HECW2: variants seen among roughly 807,000 people sequenced by gnomAD.
HECW2 encodes E3 ubiquitin-protein ligase HECW2.
HECW2 carries 61 observed loss-of-function variants against 175.2 expected under a neutral mutation model. That is an observed-to-expected ratio of 0.35 (90% CI 0.28 to 0.43). The LOEUF (loss-of-function observed/expected upper bound fraction) is 0.43, where lower values mean the gene tolerates loss of function less well. Among genes scored for constraint, HECW2 ranks in the 20% least tolerant of loss-of-function variants. HECW2 has a pLI of 1.00. For synonymous variants in HECW2, 671 were observed against 731.0 expected, an observed-to-expected ratio of 0.92 and a Z score of 1.32; for missense variants, 1,524 against 2,000.5, an observed-to-expected ratio of 0.76 and a Z score of 4.54.
At chr2:196,546,037 G>A (rs1166203664) in intron 1 of HECW2, among the ~76,000 whole-genome samples, 4 of 152,066 alleles carry the variant, frequency 2.6e-5, no homozygotes, top group Non-Finnish European at 5.9e-5. Flanking sequence ...TTTAATAAAG[G>A]TGAGTTCTTT....
chr2:196,314,853 G>A (rs1366152331), intron 10 of HECW2, among the ~76,000 whole-genome samples: 1 of 152,192 alleles, frequency 6.6e-6, no homozygotes, highest in Non-Finnish European at 1.5e-5. Flanking sequence ...GCTGAGCCCA[G>A]AAGCCACAAG....
intron 28 of HECW2, among the ~76,000 whole-genome samples, chr2:196,202,002 A>C (rs1686874461): frequency 6.6e-6 from 1 of 152,212 alleles, no homozygotes; most frequent in African/African-American, 2.4e-5. Context: ...AAGCAATTTA[A>C]ATCATTACAT....
At chr2:196,422,679 G>T (rs1695438554) in intron 2 of HECW2, among the ~76,000 whole-genome samples, 1 of 152,096 alleles carries the variant, frequency 6.6e-6, no homozygotes, top group South Asian at 2.1e-4. Context: ...TAGGTGAAAA[G>T]AATTTAGAGT....
chr2:196,433,446 G>A lies in HECW2; in HGVS notation c.-23C>T. The A allele has an allele frequency of 6.2e-7, 1 of 1,604,782 alleles. No homozygotes were observed. Among genetic ancestry groups the A allele is most frequent in the Non-Finnish European group, 8.5e-7 (1 of 1,175,094 alleles). ...CATCCCGTCTGCTTCTCTGGGATTGGCTGCCTACAAAGCTGCAAGAGACAG... is the reference window on the plus strand; with the variant it reads ...CATCCCGTCTGCTTCTCTGGGATTGACTGCCTACAAAGCTGCAAGAGACAG... On this transcript the variant is annotated 5_prime_UTR_variant, in exon 2 of 29. Transcript: ENST00000644978.
chr2:196,368,102 C>T (rs35040912), intron 2 of HECW2, among the ~76,000 whole-genome samples: 11,242 of 152,064 alleles, frequency 0.074, 633 homozygotes, highest in African/African-American at 0.16. Context: ...GATATCTCTT[C>T]GATATGCTGA....
intron 2 of HECW2, among the ~76,000 whole-genome samples, chr2:196,353,980 A>G (rs894847469): frequency 6.6e-6 from 1 of 152,140 alleles, no homozygotes; most frequent in Non-Finnish European, 1.5e-5. Context: ...AATTGTCAGT[A>G]TGACCTCATT....
intron 1 of HECW2, among the ~76,000 whole-genome samples, chr2:196,574,065 T>TTCTATA (rs1487620034): frequency 2.6e-5 from 4 of 152,060 alleles, no homozygotes; most frequent in African/African-American, 4.8e-5. Flanking sequence ...TCACTGGTGT[T>TTCTATA]TCTATACACA....
At chr2:196,479,360 T>C (rs1236683999) in intron 1 of HECW2, among the ~76,000 whole-genome samples, 1 of 152,218 alleles carries the variant, frequency 6.6e-6, no homozygotes, top group Non-Finnish European at 1.5e-5. Flanking sequence ...ACTGCCAAGG[T>C]CCTGAGGCTT....
At chr2:196,470,328 A>G (rs554892081) in intron 1 of HECW2, among the ~76,000 whole-genome samples, 4 of 152,272 alleles carry the variant, frequency 2.6e-5, no homozygotes, top group Non-Finnish European at 4.4e-5. Flanking sequence ...GAGTTTCCCA[A>G]TAAAATATAT....
chr2:196,427,789 G>C (rs985152111), intron 2 of HECW2, among the ~76,000 whole-genome samples: 27 of 152,042 alleles, frequency 1.8e-4, no homozygotes, highest in Admixed American at 1.7e-3. Flanking sequence ...GAAATCTCAG[G>C]GTGTATATGA....
chr2:196,199,254 C>T lies in HECW2; in HGVS notation c.*2023G>A, dbSNP rs190079843. 127 of 152,572 alleles carry T rather than the reference C, an allele frequency of 8.3e-4. 2 individuals are homozygous for T. Among genetic ancestry groups the T allele is most frequent in the African/African-American group, 2.8e-3 (116 of 41,524 alleles). 9.5% of individuals were successfully genotyped at this position (152,572 alleles called of 1,614,324 possible). A position where few individuals can be genotyped will look rare whatever the true frequency, so the allele number is the denominator to read the frequency against. ...AGAATACAAACAAGTGAAAAGTTTG[C>T]AAAATTAAATATATACTTGTATTCA... On this transcript the variant is annotated 3_prime_UTR_variant, in exon 29 of 29. Transcript: ENST00000644978.
In HECW2 at chr2:196,447,447, G is replaced by T. The variant is rs140669748; in HGVS notation, c.-35-13989C>A. On this transcript the variant is annotated intron_variant, in intron 1 of 28. Transcript: ENST00000644978. ...ATGTTAGATGTTCCAACAATAAACTGATGGCAAAGAGAAATTACATGAACT... is the reference window on the plus strand; with the variant it reads ...ATGTTAGATGTTCCAACAATAAACTTATGGCAAAGAGAAATTACATGAACT... 2.5e-3 allele frequency among the ~76,000 whole-genome samples: 384 copies of T among 152,206 alleles called. 1 individual carries two copies. The highest frequency in any genetic ancestry group is 8.7e-3 in the African/African-American group (363 of 41,530).
chr2:196,236,533 C>T (rs1347886253), intron 21 of HECW2, among the ~76,000 whole-genome samples: 1 of 152,166 alleles, frequency 6.6e-6, no homozygotes, highest in Non-Finnish European at 1.5e-5. Context: ...TCCCTAGTTT[C>T]TACCTAATGT....
rs896432483 is a variant in HECW2 at position 196,195,921 on chromosome 2, C to G, written c.*5356G>C. On this transcript the variant is annotated 3_prime_UTR_variant, in exon 29 of 29. Coordinates refer to ENST00000644978, the MANE Select transcript of HECW2 (RefSeq NM_001348768.2). ...GTTATAAAATGAGGGTATTTCCCATCTAGTAGATCAAACTGTGCCTTCATC... is the reference window on the plus strand; with the variant it reads ...GTTATAAAATGAGGGTATTTCCCATGTAGTAGATCAAACTGTGCCTTCATC... 1 of 152,152 alleles carries G rather than the reference C, an allele frequency of 6.6e-6. No individual in the cohort carries two copies. The highest frequency in any genetic ancestry group is 1.5e-5 in the Non-Finnish European group (1 of 68,016). The allele number at this position is 152,152 out of a possible 1,614,324, so 9.4% of individuals were successfully genotyped here. A position where few individuals can be genotyped will look rare whatever the true frequency, so the allele number is the denominator to read the frequency against.
intron 2 of HECW2, among the ~76,000 whole-genome samples, chr2:196,418,508 T>C (rs1288263080): frequency 2.6e-5 from 4 of 152,192 alleles, no homozygotes; most frequent in African/African-American, 9.6e-5. Flanking sequence ...ATCGCAAATA[T>C]ACTGGTACAT....
chr2:196,566,010 C>T (rs74991242), intron 1 of HECW2, among the ~76,000 whole-genome samples: 297 of 152,056 alleles, frequency 2.0e-3, no homozygotes, highest in Admixed American at 3.6e-3. Context: ...TACCAGGAAA[C>T]AACTTTTTAA....
chr2:196,529,310 A>G (rs10177936), intron 1 of HECW2, among the ~76,000 whole-genome samples: 52,225 of 152,022 alleles, frequency 0.34, 12,204 homozygotes, highest in African/African-American at 0.67. Flanking sequence ...ACACTTTGGT[A>G]AGTGACTCAA....
chr2:196,308,544 T>G (rs1691359150), intron 10 of HECW2, among the ~76,000 whole-genome samples: 1 of 152,196 alleles, frequency 6.6e-6, no homozygotes, highest in African/African-American at 2.4e-5. Context: ...ACAATTGTAG[T>G]AAATTTAGTC....
At chr2:196,469,118 T>TGC (rs1553520722) in intron 1 of HECW2, among the ~76,000 whole-genome samples, 22 of 80,210 alleles carry the variant, frequency 2.7e-4, no homozygotes, top group South Asian at 1.8e-3. Context: ...TGTGTGTGTG[T>TGC]GCGTGTGTGT....
Sources: allele counts gnomAD v4.1 joint callset (sites outside exome capture counted in the v4.1 genomes callset), GRCh38; gene constraint gnomAD v4.1.1; transcripts MANE v1.5; gene names NCBI Gene and HGNC (gene_info 2026-07-23, HGNC 2026-07-21).